USP49: variants seen among roughly 807,000 people sequenced by gnomAD.
The protein encoded by USP49 is ubiquitin specific peptidase 49, also known as ubiquitin carboxyl-terminal hydrolase 49.
In USP49, 24 loss-of-function variants were observed where a neutral mutation model predicts 58.6. The ratio of observed to expected loss-of-function variants is 0.41; its 90% confidence interval spans 0.30 to 0.58. USP49 has a LOEUF of 0.58. USP49 is among the 20% of genes least tolerant of loss of function. The pLI is 0.30. For synonymous variants in USP49, 408 were observed against 365.1 expected (o/e 1.12, Z -1.34); for missense variants, 703 against 866.1 (o/e 0.81, Z 2.36).
At chr6:41,834,163 G>A (rs991086447) in intron 3 of USP49, among the ~76,000 whole-genome samples, 2 of 152,138 alleles carry the variant, frequency 1.3e-5, no homozygotes, top group African/African-American at 4.8e-5. Flanking sequence ...GGTCTCTGAT[G>A]TCCTTGAGAT....
rs1561899529 is a variant in USP49 at position 41,792,951 on chromosome 6, CCCACCCA to C, written c.*3575_*3581del. ...TCCCTCCCGGCCAGCCCACCCTCCT[CCCACCCA>C]CCACCCGCCATCCCCGACCAAGTTT... On this transcript the variant is annotated 3_prime_UTR_variant, in exon 8 of 8. Coordinates refer to ENST00000682992, the MANE Select transcript of USP49 (RefSeq NM_001286554.2). The C allele has an allele frequency of 7.4e-6, 1 of 135,978 alleles. No homozygotes were observed. 8.4% of individuals were successfully genotyped at this position (135,978 alleles called of 1,614,324 possible).
chr6:41,888,048 C>CTTTTTTTTTTT lies in USP49; in HGVS notation c.-103+3735_-103+3745dup, dbSNP rs35468035. The stretch of plus-strand genomic sequence containing the variant: ...GAGTGTTTTTAATTATCACAATCAG[C>CTTTTTTTTTTT]TTTTTTTTTTTTTTTTTTTTTTTTG... On this transcript the variant is annotated intron_variant, in intron 2 of 7. Coordinates refer to ENST00000682992, the MANE Select transcript of USP49 (RefSeq NM_001286554.2). Among the ~76,000 whole-genome samples the CTTTTTTTTTTT allele has an allele frequency of 5.0e-4, 43 of 85,510 alleles. 2 individuals carry two copies. The highest frequency in any genetic ancestry group is 1.0e-3 in the South Asian group (2 of 1,998). 56.1% of individuals were successfully genotyped at this position (85,510 alleles called of 152,430 possible).
At chr6:41,809,360 T>TA (rs922041299) in intron 3 of USP49, among the ~76,000 whole-genome samples, 3 of 150,944 alleles carry the variant, frequency 2.0e-5, no homozygotes, top group South Asian at 2.1e-4. Flanking sequence ...CCATCTCTAC[T>TA]AAAAAAATAA....
intron 3 of USP49, among the ~76,000 whole-genome samples, chr6:41,815,263 T>C (rs1773327943): frequency 6.6e-6 from 1 of 151,574 alleles, no homozygotes; most frequent in South Asian, 2.1e-4. Context: ...TACTAAAAAA[T>C]ACAAAAAATT....
At chr6:41,857,526 G>T (rs972325046) in intron 3 of USP49, among the ~76,000 whole-genome samples, 2 of 152,122 alleles carry the variant, frequency 1.3e-5, no homozygotes, top group East Asian at 3.9e-4. Flanking sequence ...CATGCTTGTA[G>T]TCCCAGCTCC....
intron 3 of USP49, among the ~76,000 whole-genome samples, chr6:41,825,454 G>A (rs933022627): frequency 8.2e-5 from 12 of 146,498 alleles, no homozygotes; most frequent in Admixed American, 2.8e-4. Flanking sequence ...AAAAAAAAAA[G>A]ATATGAGAAC....
At chr6:41,836,761 C>A (rs1773734621) in intron 3 of USP49, among the ~76,000 whole-genome samples, 2 of 151,968 alleles carry the variant, frequency 1.3e-5, no homozygotes, top group African/African-American at 4.8e-5. Context: ...GGTGCAAAAT[C>A]AATGTACAAA....
intron 7 of USP49, 135 bp downstream of exon 7, chr6:41,798,589 T>G: frequency 6.4e-7 from 1 of 1,574,442 alleles, no homozygotes; most frequent in Non-Finnish European, 8.6e-7. Flanking sequence ...TTTTCACAAT[T>G]CTTTCCACTG....
At chr6:41,819,691 T>C (rs143321284) in intron 3 of USP49, among the ~76,000 whole-genome samples, 2 of 152,310 alleles carry the variant, frequency 1.3e-5, no homozygotes, top group East Asian at 1.9e-4. Context: ...GGAAATGTTA[T>C]AATAGATGGA....
intron 3 of USP49, among the ~76,000 whole-genome samples, chr6:41,844,420 C>T (rs112499751): frequency 6.6e-6 from 1 of 151,576 alleles, no homozygotes; most frequent in African/African-American, 2.4e-5. Flanking sequence ...CAGGTTCAAG[C>T]GATTCTCTTC....
intron 3 of USP49, among the ~76,000 whole-genome samples, chr6:41,807,622 A>G (rs1188017317): frequency 6.6e-6 from 1 of 151,176 alleles, no homozygotes; most frequent in Non-Finnish European, 1.5e-5. Context: ...TTGTATTTTT[A>G]GTAGAGACGG....
chr6:41,826,979 T>C (rs1031347620), intron 3 of USP49, among the ~76,000 whole-genome samples: 1 of 152,238 alleles, frequency 6.6e-6, no homozygotes, highest in Non-Finnish European at 1.5e-5. Context: ...AAGGGCCTGA[T>C]ACCAACAGTC....
In USP49 at chr6:41,805,579, C is replaced by T. The variant is rs778849505; in HGVS notation, c.1356+49G>A. On this transcript the variant is annotated intron_variant, in intron 4 of 7. Transcript: ENST00000682992. Reference sequence around the variant, plus strand: ...ACCCGGGGAAGGCACTCACAGGAAGCCCAAGCTAACATACAAGCCTCTCAT... The same window carrying T: ...ACCCGGGGAAGGCACTCACAGGAAGTCCAAGCTAACATACAAGCCTCTCAT... The T allele has an allele frequency of 4.5e-6, 7 of 1,558,632 alleles. No individual in the cohort carries two copies. In the Admixed American group the frequency reaches 1.1e-4, roughly 25 times the overall value.
At chr6:41,854,316 CAAAAAAAAAA>C (rs565189473) in intron 3 of USP49, among the ~76,000 whole-genome samples, 57 of 91,088 alleles carry the variant, frequency 6.3e-4, no homozygotes, top group African/African-American at 2.4e-3. Flanking sequence ...GACTCTGTCT[CAAAAAAAAAA>C]AAAAAAAAAA....
intron 3 of USP49, among the ~76,000 whole-genome samples, chr6:41,819,086 A>G (rs960376955): frequency 6.6e-6 from 1 of 152,100 alleles, no homozygotes; most frequent in African/African-American, 2.4e-5. Flanking sequence ...GAAATGGAAC[A>G]GGAAATCAGG....
At chr6:41,855,669 T>C (rs1292461283) in intron 3 of USP49, among the ~76,000 whole-genome samples, 1 of 152,226 alleles carries the variant, frequency 6.6e-6, no homozygotes, top group Non-Finnish European at 1.5e-5. Flanking sequence ...TTTAATGCTA[T>C]AGGTTTATTA....
chr6:41,853,201 G>T (rs968173637), intron 3 of USP49, among the ~76,000 whole-genome samples: 9 of 151,470 alleles, frequency 5.9e-5, no homozygotes, highest in Non-Finnish European at 8.9e-5. Flanking sequence ...AAAAAGAGCT[G>T]GGGGGGAGAA....
At chr6:41,887,734 T>TC (rs1438403547) in intron 2 of USP49, among the ~76,000 whole-genome samples, 1 of 152,246 alleles carries the variant, frequency 6.6e-6, no homozygotes, top group Admixed American at 6.5e-5. Flanking sequence ...GCAGACATTT[T>TC]CACACAGTAA....
chr6:41,810,809 T>A (rs1773244966), intron 3 of USP49, among the ~76,000 whole-genome samples: 1 of 152,232 alleles, frequency 6.6e-6, no homozygotes, highest in Non-Finnish European at 1.5e-5. Flanking sequence ...GTGACCCGCC[T>A]CAGCCTCCCA....
Sources: gnomAD v4.1 joint callset for allele counts (sites outside exome capture counted in the v4.1 genomes callset) on GRCh38, gnomAD v4.1.1 for gene constraint, MANE v1.5 for transcripts, NCBI Gene and HGNC (gene_info 2026-07-23, HGNC 2026-07-21) for gene names.